The following ABCB4 variants were observed in gnomAD, a reference collection of about 807,000 sequenced individuals.
The protein encoded by ABCB4 is phosphatidylcholine translocator ABCB4.
ABCB4 carries 76 observed loss-of-function variants against 145.7 expected under a neutral mutation model. The observed-to-expected ratio is 0.52, with a 90% CI of 0.43 to 0.63. The LOEUF (loss-of-function observed/expected upper bound fraction) is 0.63, where lower values mean the gene tolerates loss of function less well. Ranked by LOEUF, ABCB4 falls within the 30% of genes least tolerant of loss-of-function variation. The pLI is 0.00. For missense variants in ABCB4, 1,234 were observed against 1,553.1 expected (o/e 0.79, Z 3.45); for synonymous variants, 517 against 566.8 (o/e 0.91, Z 1.25).
At chr7:87,368,735 T>C in the ABCB4 span, among the ~76,000 whole-genome samples, 3 of 152,178 alleles carry the variant, frequency 2.0e-5, no homozygotes, top group Admixed American at 6.5e-5. Context: ...AGAAGATCCT[T>C]GGCAAAAGGA....
chr7:87,413,136 A>C (rs1584686654), intron 22 of ABCB4, among the ~76,000 whole-genome samples: 1 of 152,240 alleles, frequency 6.6e-6, no homozygotes, highest in African/African-American at 2.4e-5. Flanking sequence ...GAATTGCTCA[A>C]CTATAAACCA....
At chr7:87,469,520 A>G (rs1436037213) in intron 3 of ABCB4, among the ~76,000 whole-genome samples, 1 of 152,246 alleles carries the variant, frequency 6.6e-6, no homozygotes, top group East Asian at 1.9e-4. Context: ...CAACTTCAGC[A>G]AAGTCTCAGG....
intron 3 of ABCB4, among the ~76,000 whole-genome samples, chr7:87,464,209 G>C (rs921641957): frequency 5.3e-5 from 8 of 152,192 alleles, no homozygotes; most frequent in African/African-American, 1.9e-4. Flanking sequence ...GCACATGGTG[G>C]AAAGTGGATA....
intron 14 of ABCB4, among the ~76,000 whole-genome samples, chr7:87,436,322 CAAAA>C (rs201591261): frequency 9.7e-6 from 1 of 102,900 alleles, no homozygotes. Flanking sequence ...CTTTCAGCTA[CAAAA>C]AAAAAAAAAG....
At chr7:87,428,425 A>T (rs1476017487) in intron 15 of ABCB4, among the ~76,000 whole-genome samples, 3 of 152,214 alleles carry the variant, frequency 2.0e-5, no homozygotes, top group Non-Finnish European at 4.4e-5. Flanking sequence ...AAAAAAGCAG[A>T]ACAAAAAATG....
At chr7:87,379,735 A>G in the ABCB4 span, among the ~76,000 whole-genome samples, 2 of 152,208 alleles carry the variant, frequency 1.3e-5, no homozygotes, top group Non-Finnish European at 2.9e-5. Flanking sequence ...GATAATTTGC[A>G]TTAAATTCCA....
At chr7:87,366,231 C>T in the ABCB4 span, among the ~76,000 whole-genome samples, 25 of 150,696 alleles carry the variant, frequency 1.7e-4, no homozygotes, top group Admixed American at 1.4e-3. Context: ...CCTGTACCCT[C>T]GCAAGGGGGA....
chr7:87,445,192 TAC>T (rs908499060), intron 9 of ABCB4, among the ~76,000 whole-genome samples: 7 of 152,150 alleles, frequency 4.6e-5, no homozygotes, highest in Admixed American at 1.3e-4. Context: ...CCTGAATACA[TAC>T]AGAGTTAAAA....
the ABCB4 span, chr7:87,391,515 T>C: frequency 4.2e-6 from 6 of 1,414,810 alleles, no homozygotes; most frequent in African/African-American, 1.5e-5. Flanking sequence ...GCTAGCTTTA[T>C]TAGGCAACTA....
chr7:87,439,637 T>A (rs1388245333), intron 14 of ABCB4, 30 bp downstream of exon 14: 1 of 1,613,516 alleles, frequency 6.2e-7, no homozygotes, highest in Non-Finnish European at 8.5e-7. Context: ...TTCAATGTGG[T>A]GGTCCTTCAG....
At chr7:87,402,507 T>C (rs977955732) in intron 27 of ABCB4, among the ~76,000 whole-genome samples, 8 of 152,196 alleles carry the variant, frequency 5.3e-5, no homozygotes, top group African/African-American at 9.7e-5. Context: ...CACAAATGGG[T>C]TCCCATGCTG....
In ABCB4 at chr7:87,402,305, A is replaced by G. The variant is rs1255001769; in HGVS notation, c.3634-3T>C. On this transcript the variant is annotated splice_region_variant and splice_polypyrimidine_tract_variant and intron_variant, in intron 27 of 27. Transcript: ENST00000649586. Reference sequence around the variant, plus strand: ...TTGTCCAGGGCTTCTTGGACAACCTATTGATAAATCAGACAGACACCTTAT... The same window carrying G: ...TTGTCCAGGGCTTCTTGGACAACCTGTTGATAAATCAGACAGACACCTTAT... 8.1e-6 allele frequency: 13 copies of G among 1,613,874 alleles called. No individual in the cohort carries two copies. The highest frequency in any genetic ancestry group is 1.0e-5 in the Non-Finnish European group (12 of 1,179,892).
chr7:87,449,904 AAAG>A (rs1811595091), intron 8 of ABCB4, 61 bp downstream of exon 8: 6 of 1,613,300 alleles, frequency 3.7e-6, no homozygotes, highest in South Asian at 2.2e-5. Context: ...CACATACCAC[AAAG>A]AAGAAGCAAC....
At chr7:87,469,053 G>C (rs184937562) in intron 3 of ABCB4, among the ~76,000 whole-genome samples, 1 of 152,154 alleles carries the variant, frequency 6.6e-6, no homozygotes, top group Non-Finnish European at 1.5e-5. Flanking sequence ...CCCCTGGGAT[G>C]CAAGGCTGGT....
At chr7:87,368,361 G>A in the ABCB4 span, among the ~76,000 whole-genome samples, 3 of 152,092 alleles carry the variant, frequency 2.0e-5, no homozygotes, top group Admixed American at 6.6e-5. Flanking sequence ...TTTGAAAGGG[G>A]TGTGGTCAGG....
chr7:87,444,497 C>A (rs946638184), intron 10 of ABCB4, among the ~76,000 whole-genome samples: 6 of 151,890 alleles, frequency 4.0e-5, no homozygotes, highest in African/African-American at 1.2e-4. Flanking sequence ...AATTTTGGTC[C>A]CACCGATAAT....
chr7:87,400,634 A>T (rs540528765), downstream of ABCB4, among the ~76,000 whole-genome samples: 2 of 152,362 alleles, frequency 1.3e-5, no homozygotes, highest in Admixed American at 6.5e-5. Flanking sequence ...TGGTTGGTTT[A>T]TAAATACAGG....
chr7:87,443,269 CA>C, intron 12 of ABCB4, 49 bp downstream of exon 12: 2 of 1,612,618 alleles, frequency 1.2e-6, no homozygotes, highest in Non-Finnish European at 1.7e-6. Context: ...TTCAAAGGGC[CA>C]ATTTGTATCC....
At chr7:87,417,241 G>T in intron 21 of ABCB4, 71 bp downstream of exon 21, 3 of 1,411,938 alleles carry the variant, frequency 2.1e-6, no homozygotes, top group South Asian at 1.2e-5. Context: ...TGCATATCAT[G>T]ATAAATAATT....
Sources: gnomAD v4.1 joint callset for allele counts (sites outside exome capture counted in the v4.1 genomes callset) on GRCh38, gnomAD v4.1.1 for gene constraint, MANE v1.5 for transcripts, NCBI Gene and HGNC (gene_info 2026-07-23, HGNC 2026-07-21) for gene names.